Variants in PCDHGB5 observed in about 807,000 individuals in gnomAD.
PCDHGB5 encodes the protein protocadherin gamma subfamily B, 5.
A neutral mutation model predicts 62.9 loss-of-function variants in PCDHGB5; 48 were observed. The ratio of observed to expected loss-of-function variants is 0.76; its 90% CI spans 0.61 to 0.97. The LOEUF (loss-of-function observed/expected upper bound fraction) is 0.97. PCDHGB5 is among the 50% of genes least tolerant of loss of function. The pLI is 0.00. For synonymous variants in PCDHGB5, 474 were observed against 511.2 expected (o/e 0.93, Z 0.98); for missense variants, 1,118 against 1,198.6 (o/e 0.93, Z 0.99).
At chr5:141,472,998 GAAAGAA>G (rs1489589280) in intron 1 of PCDHGB5, among the ~76,000 whole-genome samples, 8 of 134,744 alleles carry the variant, frequency 5.9e-5, no homozygotes, top group South Asian at 2.3e-4. Flanking sequence ...AAAAAAAAAA[GAAAGAA>G]AAAGAAAAAG....
rs753872678 is a variant in PCDHGB5, at chr5:141,431,407, C to G, written c.2397+30883C>G. 4 of 1,613,716 alleles carry G rather than the reference C, an allele frequency of 2.5e-6. No individual in the cohort carries two copies. Among genetic ancestry groups the G allele is most frequent in the Non-Finnish European group, 3.4e-6 (4 of 1,180,048 alleles). The stretch of plus-strand genomic sequence containing the variant: ...ACCACCTGGTCCTTACGGCCTCCGA[C>G]GGGGGCGACCCGGTGCGCACAGGCA... On this transcript the variant is annotated intron_variant, in intron 1 of 3. Coordinates refer to ENST00000617380, the MANE Select transcript of PCDHGB5 (RefSeq NM_018925.3). This position sits in a 1 kb window ranked among gnomAD's most constrained non-coding sequence, Gnocchi z 4.8.
At chr5:141,468,140 C>T (rs910524133) in intron 1 of PCDHGB5, among the ~76,000 whole-genome samples, 3 of 151,942 alleles carry the variant, frequency 2.0e-5, no homozygotes, top group African/African-American at 7.2e-5. Flanking sequence ...GCCTGGCCAA[C>T]ATGGTGAAAC....
intron 1 of PCDHGB5, chr5:141,423,296 T>G (rs771340929): frequency 6.2e-7 from 1 of 1,614,124 alleles, no homozygotes; most frequent in Non-Finnish European, 8.5e-7. Context: ...ACCTCAGACC[T>G]CTCGCTGTAC....
chr5:141,487,485 G>A lies in PCDHGB5; in HGVS notation c.2398-7322G>A. On this transcript the variant is annotated intron_variant, in intron 1 of 3. Transcript: ENST00000617380. The surrounding 1 kb of genome is among the most constrained non-coding windows in gnomAD (Gnocchi z 5.0). ...GTTGATGTGGGAGGCCACTCTCATG[G>A]CTGTACACCCTTGGCTTCTGCACCC... The A allele has an allele frequency of 6.2e-7, 1 of 1,614,164 alleles. No homozygotes were observed. Among genetic ancestry groups the A allele is most frequent in the Non-Finnish European group, 8.5e-7 (1 of 1,180,030 alleles).
chr5:141,425,836 C>T (rs568578402), intron 1 of PCDHGB5, among the ~76,000 whole-genome samples: 1 of 152,344 alleles, frequency 6.6e-6, no homozygotes, highest in East Asian at 1.9e-4. Context: ...TTTAAATTCT[C>T]TTTGCTGGGT....
chr5:141,398,264 T>C lies in PCDHGB5; in HGVS notation c.137T>C (p.Val46Ala), dbSNP rs370063277. Residue 46 changes from valine to alanine, a missense_variant, in exon 1 of 4, where the codon GTA becomes GCA. By Grantham distance (64) the Val-to-Ala change is moderately conservative. Transcript: ENST00000617380. Reference protein sequence around the residue: ...RIPEEMPKGSVVGNLATDLGF... With the variant: ...RIPEEMPKGSAVGNLATDLGF... ...CCCGAGGAAATGCCCAAGGGCTCCG[T>C]AGTGGGGAACCTCGCCACGGACCTG... 2,051 of 1,443,238 alleles carry C rather than the reference T, an allele frequency of 1.4e-3. 29 individuals carry two copies. In the African/African-American group the frequency reaches 0.026, roughly 18 times the overall value. 89.4% of individuals were successfully genotyped at this position (1,443,238 alleles called of 1,614,324 possible).
chr5:141,415,332 G>A (rs758125316), intron 1 of PCDHGB5: 1 of 1,614,214 alleles, frequency 6.2e-7, no homozygotes, highest in South Asian at 1.1e-5. Context: ...TGGCGCACAG[G>A]CTGCGGCGCT....
chr5:141,485,682 A>G lies in PCDHGB5; in HGVS notation c.2398-9125A>G, dbSNP rs779441999. Reference sequence around the variant, plus strand: ...GTGGGGAGCAATTCGATTAGCAGCTATAGGCTGAGCTCCAATGAACACTTT... The same window carrying G: ...GTGGGGAGCAATTCGATTAGCAGCTGTAGGCTGAGCTCCAATGAACACTTT... On this transcript the variant is annotated intron_variant, in intron 1 of 3. Coordinates refer to ENST00000617380, the MANE Select transcript of PCDHGB5 (RefSeq NM_018925.3). This position sits in a 1 kb window ranked among gnomAD's most constrained non-coding sequence, Gnocchi z 5.7. 6.2e-7 allele frequency: 1 copy of G among 1,614,076 alleles called. No homozygotes were observed. Among genetic ancestry groups the G allele is most frequent in the Non-Finnish European group, 8.5e-7 (1 of 1,179,964 alleles).
rs138031063 is a variant in PCDHGB5 at position 141,447,985 on chromosome 5, C to T, written c.2398-46822C>T. Among the ~76,000 whole-genome samples the T allele has an allele frequency of 3.9e-3, 591 of 152,010 alleles. 6 individuals are homozygous for T. The highest frequency in any genetic ancestry group is 0.011 in the Admixed American group (170 of 15,260). On this transcript the variant is annotated intron_variant, in intron 1 of 3. Transcript: ENST00000617380. ...CCTATAATCCCAGCTACTCGGGAGG[C>T]TGAGGCATGAGAATCGCTTGAACCC...
Position 141,432,205 on chromosome 5 carries a change from A to G in PCDHGB5, c.2397+31681A>G, listed in dbSNP as rs764567227. 1 of 1,614,180 alleles carries G rather than the reference A, an allele frequency of 6.2e-7. No individual in the cohort carries two copies. Among genetic ancestry groups the G allele is most frequent in the South Asian group, 1.1e-5 (1 of 91,074 alleles). On this transcript the variant is annotated intron_variant, in intron 1 of 3. Transcript: ENST00000617380. This position sits in a 1 kb window ranked among gnomAD's most constrained non-coding sequence, Gnocchi z 6.0. The stretch of plus-strand genomic sequence containing the variant: ...TGACCGCCCACGACCCCGACTGTGA[A>G]GAGAACGCCCAGATCACTTATTCCC...
chr5:141,456,043 G>A (rs62379189), intron 1 of PCDHGB5, among the ~76,000 whole-genome samples: 6,917 of 151,746 alleles, frequency 0.046, 202 homozygotes, highest in Middle Eastern at 0.086. Flanking sequence ...GACTACAGGC[G>A]CCCACCACCA....
intron 1 of PCDHGB5, chr5:141,413,694 C>T: frequency 6.2e-7 from 1 of 1,613,800 alleles, no homozygotes; most frequent in Non-Finnish European, 8.5e-7. Context: ...CCCTGCAGAG[C>T]TATCAGCTCA....
chr5:141,489,994 C>A lies in PCDHGB5; in HGVS notation c.2398-4813C>A, dbSNP rs1307285048. The A allele has an allele frequency of 1.2e-5, 19 of 1,614,192 alleles. No individual in the cohort carries two copies. The highest frequency in any genetic ancestry group is 1.6e-4 in the Middle Eastern group (1 of 6,062). On this transcript the variant is annotated intron_variant, in intron 1 of 3. Transcript: ENST00000617380. This position sits in a 1 kb window ranked among gnomAD's most constrained non-coding sequence, Gnocchi z 4.5. Reference sequence around the variant, plus strand: ...ATCCTCAGTTCTACGTGTGGGAATCCCAGAGAATGCACCCATTGGTACTCT... The same window carrying A: ...ATCCTCAGTTCTACGTGTGGGAATCACAGAGAATGCACCCATTGGTACTCT...
intron 1 of PCDHGB5, among the ~76,000 whole-genome samples, chr5:141,453,135 A>G (rs932061368): frequency 6.6e-6 from 1 of 151,778 alleles, no homozygotes; most frequent in Non-Finnish European, 1.5e-5. Context: ...TGTTTTTGAG[A>G]TAGGGTCTCG....
rs746318177 is a variant in PCDHGB5 at position 141,431,715 on chromosome 5, T to G, written c.2397+31191T>G. On this transcript the variant is annotated intron_variant, in intron 1 of 3. Coordinates refer to ENST00000617380, the MANE Select transcript of PCDHGB5 (RefSeq NM_018925.3). The surrounding 1 kb of genome is among the most constrained non-coding windows in gnomAD (Gnocchi z 4.8). Reference sequence around the variant, plus strand: ...GAGTCAGGATTCTACCAGATGGAAGTGCAAGCAATGGATAATGCAGGATAT... The same window carrying G: ...GAGTCAGGATTCTACCAGATGGAAGGGCAAGCAATGGATAATGCAGGATAT... 5.6e-6 allele frequency: 9 copies of G among 1,614,178 alleles called. No homozygotes were observed. The highest frequency in any genetic ancestry group is 6.8e-6 in the Non-Finnish European group (8 of 1,180,042).
chr5:141,398,864 T>A lies in PCDHGB5; in HGVS notation c.737T>A (p.Val246Glu), dbSNP rs1399067876. The A allele has an allele frequency of 6.2e-7, 1 of 1,613,768 alleles. No homozygotes were observed. The highest frequency in any genetic ancestry group is 8.5e-7 in the Non-Finnish European group (1 of 1,179,808). The change falls in exon 1 of 4, where the codon GTG becomes GAG. Residue 246 changes from valine (V) to glutamate (E), a missense_variant. By Grantham distance (121) the Val-to-Glu change is moderately radical. Around this residue, in one of 2 missense-constraint regions of PCDHGB5, gnomAD observed 1,034 missense variants for 1,029.1 expected, o/e 1.00. Coordinates refer to ENST00000617380, the MANE Select transcript of PCDHGB5 (RefSeq NM_018925.3). ...NDNPPVFNRD[V>E]YRVSLRENVP... ...AATCCCCCGGTATTCAACCGAGACGTGTACAGAGTCAGCCTTCGGGAAAAC... is the reference window on the plus strand; with the variant it reads ...AATCCCCCGGTATTCAACCGAGACGAGTACAGAGTCAGCCTTCGGGAAAAC...
chr5:141,428,052 G>A (rs750852525), intron 1 of PCDHGB5: 6 of 1,608,992 alleles, frequency 3.7e-6, no homozygotes, highest in East Asian at 4.5e-5. Context: ...GACCAAGGTG[G>A]TGGCGGTGGA....
chr5:141,484,988 G>A (rs1187402042), intron 1 of PCDHGB5: 2 of 604,830 alleles, frequency 3.3e-6, no homozygotes, highest in Admixed American at 3.0e-5. Context: ...CAATCGGGTG[G>A]TGAAAGGCAG....
At chr5:141,430,078 T>A (rs911861599) in intron 1 of PCDHGB5, among the ~76,000 whole-genome samples, 2 of 152,282 alleles carry the variant, frequency 1.3e-5, no homozygotes, top group Admixed American at 1.3e-4. Context: ...TTCCATAATA[T>A]CATGAAAATT....
Sources: allele counts gnomAD v4.1 joint callset (sites outside exome capture counted in the v4.1 genomes callset), GRCh38; gene constraint gnomAD v4.1.1; regional missense constraint gnomAD v4.1.1; non-coding constraint Gnocchi (gnomAD v3.1); transcripts MANE v1.5; gene names NCBI Gene and HGNC (gene_info 2026-07-23, HGNC 2026-07-21).